STXBP4: variants seen among roughly 807,000 people sequenced by gnomAD.
The protein encoded by STXBP4 is syntaxin-binding protein 4.
STXBP4 carries 55 observed loss-of-function variants against 76.1 expected under a neutral mutation model. That is an observed-to-expected ratio of 0.72 (90% CI 0.58 to 0.91). The LOEUF is 0.91. Ranked by LOEUF, STXBP4 falls within the 40% of genes least tolerant of loss-of-function variation. STXBP4 has a pLI of 0.00. For missense variants in STXBP4, 618 were observed against 636.9 expected, an observed-to-expected ratio of 0.97 and a Z score of 0.32; for synonymous variants, 201 against 220.2, an observed-to-expected ratio of 0.91 and a Z score of 0.77.
the STXBP4 span, among the ~76,000 whole-genome samples, chr17:55,180,251 C>T: frequency 6.6e-6 from 1 of 152,202 alleles, no homozygotes; most frequent in South Asian, 2.1e-4. Flanking sequence ...CACTCTCTTC[C>T]TCTCACCTCC....
At chr17:55,028,493 A>G (rs916878656) in intron 8 of STXBP4, among the ~76,000 whole-genome samples, 17 of 152,206 alleles carry the variant, frequency 1.1e-4, no homozygotes, top group African/African-American at 4.1e-4. Flanking sequence ...CTGAAAAATT[A>G]GACACCAATT....
intron 1 of STXBP4, among the ~76,000 whole-genome samples, chr17:54,975,218 A>G (rs1175769571): frequency 6.6e-6 from 1 of 152,186 alleles, no homozygotes; most frequent in African/African-American, 2.4e-5. Flanking sequence ...GGCTCACTGC[A>G]ACCTCTGCCT....
intron 16 of STXBP4, among the ~76,000 whole-genome samples, chr17:55,135,123 T>C (rs16955640): frequency 0.02 from 3,080 of 152,240 alleles, 73 homozygotes; most frequent in African/African-American, 0.055. Flanking sequence ...CTTTTATTGG[T>C]AACTGGTGTA....
chr17:55,097,383 A>G (rs918682383), intron 16 of STXBP4, among the ~76,000 whole-genome samples: 1 of 152,054 alleles, frequency 6.6e-6, no homozygotes, highest in Non-Finnish European at 1.5e-5. Context: ...CCTGTAGTTG[A>G]CCGGGCGCGG....
chr17:55,080,433 T>A (rs2079241581), intron 15 of STXBP4, among the ~76,000 whole-genome samples: 1 of 152,202 alleles, frequency 6.6e-6, no homozygotes, highest in Non-Finnish European at 1.5e-5. Context: ...GATGATTTTG[T>A]CATCAGTTTA....
intron 16 of STXBP4, among the ~76,000 whole-genome samples, chr17:55,086,682 A>G (rs905604367): frequency 3.3e-5 from 5 of 152,088 alleles, no homozygotes; most frequent in Non-Finnish European, 2.9e-5. Flanking sequence ...GTTGCACACT[A>G]AGGTTGATTC....
intron 10 of STXBP4, among the ~76,000 whole-genome samples, chr17:55,041,853 A>G (rs1046985908): frequency 3.8e-4 from 58 of 152,132 alleles, no homozygotes; most frequent in African/African-American, 1.3e-3. Flanking sequence ...CTACCACTCA[A>G]TTTTGCTTTT....
intron 12 of STXBP4, among the ~76,000 whole-genome samples, chr17:55,061,147 T>C (rs2078989303): frequency 6.6e-6 from 1 of 152,188 alleles, no homozygotes; most frequent in African/African-American, 2.4e-5. Context: ...AGGTTGAACA[T>C]GAATCAAGTA....
At chr17:55,141,236 G>T in intron 16 of STXBP4, 74 bp from the exon 17 acceptor site, 1 of 1,177,420 alleles carries the variant, frequency 8.5e-7, no homozygotes, top group African/African-American at 1.5e-5. Flanking sequence ...TAAAGATGAG[G>T]GAGGTTTGTG....
chr17:55,101,987 A>C (rs1403379733), intron 16 of STXBP4, among the ~76,000 whole-genome samples: 1 of 152,088 alleles, frequency 6.6e-6, no homozygotes, highest in Non-Finnish European at 1.5e-5. Context: ...ACAATAATTG[A>C]AAATGAAATG....
At chr17:55,056,346 T>C (rs2078922932) in intron 12 of STXBP4, among the ~76,000 whole-genome samples, 1 of 152,200 alleles carries the variant, frequency 6.6e-6, no homozygotes. Context: ...TTACACTGAA[T>C]TTTCATTGGA....
intron 12 of STXBP4, among the ~76,000 whole-genome samples, chr17:55,072,126 A>G (rs917483494): frequency 6.6e-6 from 1 of 152,148 alleles, no homozygotes; most frequent in African/African-American, 2.4e-5. Flanking sequence ...AAAACAGTAG[A>G]AAGACAGCAT....
chr17:55,146,170 T>C (rs2080151008), intron 17 of STXBP4, among the ~76,000 whole-genome samples: 2 of 152,256 alleles, frequency 1.3e-5, no homozygotes, highest in South Asian at 4.1e-4. Context: ...ACATAGCTGC[T>C]AATTGCTTTT....
chr17:55,062,372 G>C (rs977948918), intron 12 of STXBP4, among the ~76,000 whole-genome samples: 1 of 152,076 alleles, frequency 6.6e-6, no homozygotes, highest in Non-Finnish European at 1.5e-5. Context: ...AGTTTGCTGA[G>C]AATGATAATT....
At chr17:54,997,495 T>C (rs991801287) in intron 4 of STXBP4, among the ~76,000 whole-genome samples, 44 of 148,250 alleles carry the variant, frequency 3.0e-4, no homozygotes, top group Non-Finnish European at 2.1e-4. Flanking sequence ...TAATCACATA[T>C]TTACATAAAA....
chr17:55,091,276 A>G (rs1025779600), intron 16 of STXBP4, among the ~76,000 whole-genome samples: 5 of 152,148 alleles, frequency 3.3e-5, no homozygotes, highest in African/African-American at 1.2e-4. Flanking sequence ...CTTTTTAAAT[A>G]TCCATTTGGA....
At chr17:55,022,474 T>C (rs2078331270) in intron 8 of STXBP4, among the ~76,000 whole-genome samples, 1 of 152,168 alleles carries the variant, frequency 6.6e-6, no homozygotes, top group African/African-American at 2.4e-5. Flanking sequence ...GGTTGAGGCA[T>C]TTTAGTGTTT....
At chr17:55,128,790 A>T (rs949845181) in intron 16 of STXBP4, among the ~76,000 whole-genome samples, 36 of 151,660 alleles carry the variant, frequency 2.4e-4, no homozygotes, top group African/African-American at 8.7e-4. Flanking sequence ...TACTTTTACT[A>T]TTTTTGTAGA....
At chr17:55,134,183 G>A (rs980647899) in intron 16 of STXBP4, among the ~76,000 whole-genome samples, 5 of 151,912 alleles carry the variant, frequency 3.3e-5, no homozygotes, top group Non-Finnish European at 7.4e-5. Context: ...GTGAATAGTT[G>A]GTGGATGTTA....
Sources: gnomAD v4.1 joint callset for allele counts (sites outside exome capture counted in the v4.1 genomes callset) on GRCh38, gnomAD v4.1.1 for gene constraint, MANE v1.5 for transcripts, NCBI Gene and HGNC (gene_info 2026-07-23, HGNC 2026-07-21) for gene names.